TGFB2: variants seen among roughly 807,000 people sequenced by gnomAD.
The protein encoded by TGFB2 is transforming growth factor beta-2 proprotein.
Under a neutral mutation model 42.7 loss-of-function variants are expected in TGFB2, and 13 were observed. The observed-to-expected ratio is 0.30, with a 90% CI of 0.20 to 0.48. The LOEUF (loss-of-function observed/expected upper bound fraction) is 0.48, where lower values mean the gene tolerates loss of function less well. TGFB2 is among the 20% of genes least tolerant of loss of function. The pLI is 0.99. For synonymous variants in TGFB2, 193 were observed against 193.6 expected, an observed-to-expected ratio of 1.00 and a Z score of 0.03; for missense variants, 390 against 517.5, an observed-to-expected ratio of 0.75 and a Z score of 2.39.
At chr1:218,367,075 C>T (rs141246238) in intron 1 of TGFB2, among the ~76,000 whole-genome samples, 2 of 152,184 alleles carry the variant, frequency 1.3e-5, no homozygotes, top group Non-Finnish European at 2.9e-5. Flanking sequence ...GTAAATTAAT[C>T]GTGTGTGGGT....
At chr1:218,398,932 C>T (rs1311404629) in intron 1 of TGFB2, among the ~76,000 whole-genome samples, 2 of 151,888 alleles carry the variant, frequency 1.3e-5, no homozygotes, top group African/African-American at 4.8e-5. Context: ...GCCCAGGCTT[C>T]AGTGCAGTGA....
At chr1:218,432,887 G>C (rs1365869236) in intron 2 of TGFB2, among the ~76,000 whole-genome samples, 1 of 152,140 alleles carries the variant, frequency 6.6e-6, no homozygotes, top group South Asian at 2.1e-4. Flanking sequence ...CAGGGTTTCA[G>C]TAGGGATTTA....
chr1:218,395,839 C>A (rs1447349171), intron 1 of TGFB2, among the ~76,000 whole-genome samples: 1 of 152,160 alleles, frequency 6.6e-6, no homozygotes, highest in East Asian at 1.9e-4. Context: ...TGGTCTCGAT[C>A]TCCTGACCTC....
chr1:218,423,700 C>T (rs901538542), intron 2 of TGFB2, among the ~76,000 whole-genome samples: 1 of 152,140 alleles, frequency 6.6e-6, no homozygotes, highest in Admixed American at 6.6e-5. Context: ...GTTATCAATA[C>T]TGAACTAAGG....
intron 1 of TGFB2, among the ~76,000 whole-genome samples, chr1:218,396,541 CTT>C (rs542373636): frequency 0.039 from 5,574 of 142,732 alleles, 332 homozygotes; most frequent in African/African-American, 0.13. Context: ...TGTTTGGTTT[CTT>C]TTTTTTTTTT....
At chr1:218,349,728 T>C (rs1384230331) in intron 1 of TGFB2, among the ~76,000 whole-genome samples, 1 of 152,210 alleles carries the variant, frequency 6.6e-6, no homozygotes, top group Non-Finnish European at 1.5e-5. Flanking sequence ...ATGTGGAGAT[T>C]TAAAAGTAAA....
chr1:218,404,628 C>T (rs538261249), intron 1 of TGFB2, among the ~76,000 whole-genome samples: 3 of 152,100 alleles, frequency 2.0e-5, no homozygotes, highest in African/African-American at 7.2e-5. Context: ...CTCATCATAA[C>T]TTGACTAGAG....
chr1:218,361,000 A>G (rs958556491), intron 1 of TGFB2, among the ~76,000 whole-genome samples: 4 of 152,194 alleles, frequency 2.6e-5, no homozygotes, highest in African/African-American at 9.7e-5. Context: ...GACTACAGGC[A>G]CGTGGCACCA....
In TGFB2 at chr1:218,395,267, A is replaced by G. The variant is rs1304310985; in HGVS notation, c.347-9902A>G. Among the ~76,000 whole-genome samples, 3 of 152,312 alleles carry G rather than the reference A, an allele frequency of 2.0e-5. No individual in the cohort carries two copies. The East Asian group carries it at 5.8e-4, about 29-fold the overall frequency. ...CACTGGGAAACTTTCACACTGGGTG[A>G]GCCCCCAGGTCTCCACATCAGGTGC... On this transcript the variant is annotated intron_variant, in intron 1 of 6. Transcript: ENST00000366930.
At chr1:218,404,518 G>T (rs567520475) in intron 1 of TGFB2, among the ~76,000 whole-genome samples, 1 of 152,292 alleles carries the variant, frequency 6.6e-6, no homozygotes, top group South Asian at 2.1e-4. Flanking sequence ...CATTAGCTAG[G>T]ATGACCTCCC....
intron 1 of TGFB2, among the ~76,000 whole-genome samples, chr1:218,383,938 C>T (rs1176833159): frequency 1.3e-5 from 2 of 152,244 alleles, no homozygotes; most frequent in Non-Finnish European, 2.9e-5. Flanking sequence ...CACAAGAATG[C>T]TTTTCCTCCT....
intron 1 of TGFB2, among the ~76,000 whole-genome samples, chr1:218,393,520 T>C (rs1404451390): frequency 6.6e-6 from 1 of 152,198 alleles, no homozygotes; most frequent in Non-Finnish European, 1.5e-5. Context: ...GGTATATGGT[T>C]ATCTGTGTCA....
chr1:218,402,661 G>A (rs1362957755), intron 1 of TGFB2, among the ~76,000 whole-genome samples: 1 of 152,224 alleles, frequency 6.6e-6, no homozygotes, highest in Non-Finnish European at 1.5e-5. Flanking sequence ...AAAGATGGGT[G>A]TTTGTGAAAG....
chr1:218,440,613 T>C (rs1660121176), intron 6 of TGFB2, among the ~76,000 whole-genome samples: 1 of 152,216 alleles, frequency 6.6e-6, no homozygotes, highest in South Asian at 2.1e-4. Context: ...ATTAAAGCTC[T>C]TATGAGAGCT....
intron 2 of TGFB2, among the ~76,000 whole-genome samples, chr1:218,409,837 G>T (rs1057458278): frequency 6.6e-6 from 1 of 152,170 alleles, no homozygotes; most frequent in Admixed American, 6.5e-5. Context: ...CTATGAAAAG[G>T]TTCTCAGGTC....
intron 1 of TGFB2, among the ~76,000 whole-genome samples, chr1:218,377,789 A>G (rs550573002): frequency 3.9e-5 from 6 of 152,094 alleles, no homozygotes; most frequent in African/African-American, 1.2e-4. Context: ...CTTCCAAAGG[A>G]TGCAGTCTGA....
intron 2 of TGFB2, among the ~76,000 whole-genome samples, chr1:218,422,411 A>G (rs1292334440): frequency 6.6e-6 from 1 of 151,848 alleles, no homozygotes; most frequent in East Asian, 1.9e-4. Flanking sequence ...CATAGAGGTG[A>G]GGTCTCATTA....
chr1:218,432,709 C>T (rs1001206337), intron 2 of TGFB2, among the ~76,000 whole-genome samples: 5 of 152,170 alleles, frequency 3.3e-5, no homozygotes, highest in South Asian at 2.1e-4. Flanking sequence ...TGGTTTGAAA[C>T]GATATCAAAT....
chr1:218,405,466 A>T (rs746825940), intron 2 of TGFB2, 134 bp downstream of exon 2: 358 of 1,469,688 alleles, frequency 2.4e-4, no homozygotes, highest in Non-Finnish European at 3.1e-4. Context: ...CTGGGTTCAA[A>T]CGATCCGCTT....
Sources: gnomAD v4.1 joint callset for allele counts (sites outside exome capture counted in the v4.1 genomes callset) on GRCh38, gnomAD v4.1.1 for gene constraint, MANE v1.5 for transcripts, NCBI Gene and HGNC (gene_info 2026-07-23, HGNC 2026-07-21) for gene names.